Variants in TRPM3 observed in about 807,000 individuals in gnomAD.
The protein encoded by TRPM3 is long transient receptor potential channel 3.
A neutral mutation model predicts 181.2 loss-of-function variants in TRPM3; 77 were observed. The ratio of observed to expected loss-of-function variants is 0.42; its 90% CI spans 0.35 to 0.51. The LOEUF is 0.51. TRPM3 is among the 20% of genes least tolerant of loss of function. TRPM3 has a pLI of 0.01. For synonymous variants in TRPM3, 745 were observed against 796.4 expected, an observed-to-expected ratio of 0.94 and a Z score of 1.09; for missense variants, 1,759 against 2,196.7, an observed-to-expected ratio of 0.80 and a Z score of 3.98.
intron 1 of TRPM3, among the ~76,000 whole-genome samples, chr9:71,405,316 A>C (rs1243088135): frequency 3.3e-5 from 5 of 152,214 alleles, no homozygotes; most frequent in Non-Finnish European, 5.9e-5. Context: ...TTTTTAAAAA[A>C]ATCTTCCTTT....
At chr9:70,627,141 A>C (rs1161817591) in intron 12 of TRPM3, among the ~76,000 whole-genome samples, 1 of 152,124 alleles carries the variant, frequency 6.6e-6, no homozygotes, top group Non-Finnish European at 1.5e-5. Flanking sequence ...CTAGTTCACT[A>C]TGGAAATTTG....
At chr9:71,413,792 C>A (rs564209283) in intron 1 of TRPM3, among the ~76,000 whole-genome samples, 1 of 152,096 alleles carries the variant, frequency 6.6e-6, no homozygotes, top group Non-Finnish European at 1.5e-5. Flanking sequence ...AGAGACTGGG[C>A]CCTAACCTGC....
intron 22 of TRPM3, among the ~76,000 whole-genome samples, chr9:70,561,796 G>A (rs2049161775): frequency 6.6e-6 from 1 of 152,130 alleles, no homozygotes; most frequent in Non-Finnish European, 1.5e-5. Context: ...ACACAGCTTG[G>A]GAAGTCCAAG....
rs2093718272 is a variant in TRPM3, at chr9:71,420,669, A to AAGAGAAAGGGAAAGAGAAAG, written c.183+25983_183+25984insCTTTCTCTTTCCCTTTCTCT. On this transcript the variant is annotated intron_variant, in intron 1 of 24. Coordinates refer to the TRPM3 transcript ENST00000357533. ...AGAAAGAGAAAGAAAAAGAGAAAGA[A>AAGAGAAAGGGAAAGAGAAAG]AGAGAGAAAGAAAGAGAAAGGGAAA... Among the ~76,000 whole-genome samples the AAGAGAAAGGGAAAGAGAAAG allele has an allele frequency of 6.3e-5, 8 of 126,150 alleles. 1 individual carries two copies. The highest frequency in any genetic ancestry group is 1.0e-4 in the Non-Finnish European group (6 of 60,232). 82.8% of individuals were successfully genotyped at this position (126,150 alleles called of 152,430 possible).
intron 1 of TRPM3, among the ~76,000 whole-genome samples, chr9:71,351,937 G>A (rs549730091): frequency 9.4e-4 from 140 of 149,504 alleles, no homozygotes; most frequent in Non-Finnish European, 1.9e-3. Flanking sequence ...GTGCTGTGGC[G>A]TGATCTTGGC....
chr9:71,148,213 T>C (rs2075537528), intron 1 of TRPM3, among the ~76,000 whole-genome samples: 1 of 152,146 alleles, frequency 6.6e-6, no homozygotes, highest in Admixed American at 6.6e-5. Context: ...AATATTCACA[T>C]AACAAACTTT....
intron 25 of TRPM3, among the ~76,000 whole-genome samples, chr9:70,540,525 G>A (rs1326544560): frequency 6.6e-6 from 1 of 152,058 alleles, no homozygotes; most frequent in East Asian, 1.9e-4. Context: ...CAGAGCTGAT[G>A]CACCAAAAAC....
chr9:71,431,191 C>CAG (rs143109517), intron 1 of TRPM3, among the ~76,000 whole-genome samples: 6 of 151,030 alleles, frequency 4.0e-5, no homozygotes, highest in Non-Finnish European at 7.4e-5. Context: ...CACACACACA[C>CAG]AGAGAGAGAG....
chr9:70,606,693 C>T (rs1280872677), intron 19 of TRPM3, among the ~76,000 whole-genome samples: 2 of 150,922 alleles, frequency 1.3e-5, no homozygotes, highest in African/African-American at 4.9e-5. Context: ...GTTTAGCAAC[C>T]TGTATGTAGA....
chr9:71,287,979 A>G (rs552258692), intron 1 of TRPM3, among the ~76,000 whole-genome samples: 32 of 152,220 alleles, frequency 2.1e-4, no homozygotes, highest in African/African-American at 7.7e-4. Context: ...TTAAACTTCT[A>G]GAGGGCAGCA....
chr9:71,164,617 T>C (rs772376680), intron 1 of TRPM3, among the ~76,000 whole-genome samples: 13 of 151,822 alleles, frequency 8.6e-5, no homozygotes, highest in Non-Finnish European at 1.6e-4. Flanking sequence ...CAGGAGACAA[T>C]TGTCAGTGAT....
At chr9:70,841,807 A>G (rs2094686445) in intron 5 of TRPM3, among the ~76,000 whole-genome samples, 1 of 151,142 alleles carries the variant, frequency 6.6e-6, no homozygotes, top group Non-Finnish European at 1.5e-5. Context: ...ACTGGAGGCC[A>G]TTTTCCTAAG....
chr9:70,545,987 A>C (rs1197005170), intron 25 of TRPM3, among the ~76,000 whole-genome samples: 3 of 152,176 alleles, frequency 2.0e-5, no homozygotes, highest in African/African-American at 7.2e-5. Flanking sequence ...TAGAGTTCCT[A>C]TATCACCTCC....
intron 1 of TRPM3, among the ~76,000 whole-genome samples, chr9:71,208,735 T>C (rs1013334332): frequency 1.3e-5 from 2 of 152,192 alleles, no homozygotes; most frequent in African/African-American, 4.8e-5. Context: ...ATGGCCAAAA[T>C]AGCATCTCTA....
intron 1 of TRPM3, among the ~76,000 whole-genome samples, chr9:71,334,774 T>A (rs529053803): frequency 6.6e-6 from 1 of 152,188 alleles, no homozygotes; most frequent in Non-Finnish European, 1.5e-5. Flanking sequence ...TAACTTTAAC[T>A]TAATTAGCTT....
chr9:70,633,788 C>G (rs1296151914), intron 12 of TRPM3, among the ~76,000 whole-genome samples: 1 of 152,194 alleles, frequency 6.6e-6, no homozygotes, highest in Non-Finnish European at 1.5e-5. Context: ...AGAAATCATA[C>G]TGTATTTTTG....
intron 18 of TRPM3, 128 bp downstream of exon 18, chr9:70,615,780 T>G: frequency 1.0e-6 from 1 of 955,540 alleles, no homozygotes; most frequent in Admixed American, 2.6e-5. Flanking sequence ...AAGCACTCCA[T>G]GATTAAACCT....
At position 71,089,773 on chromosome 9, in the gene TRPM3, G is replaced by A. The variant is rs2065899692; in HGVS notation, c.177+31405C>T. Among the ~76,000 whole-genome samples, 5 of 152,184 alleles carry A rather than the reference G, an allele frequency of 3.3e-5. No individual in the cohort carries two copies. The South Asian group carries it at 1.0e-3, about 32-fold the overall frequency. On this transcript the variant is annotated intron_variant, in intron 1 of 25. Transcript: ENST00000677713. ...GTCTCGTGAGGAAGGCCACTCAGCG[G>A]ATGTCCTGAGCATCCTAGTGTTTGC...
At chr9:70,674,184 C>T (rs1482802057) in intron 9 of TRPM3, among the ~76,000 whole-genome samples, 1 of 151,988 alleles carries the variant, frequency 6.6e-6, no homozygotes, top group African/African-American at 2.4e-5. Context: ...CAAAGTTAGG[C>T]CATAATACAT....
Sources: gnomAD v4.1 joint callset for allele counts (sites outside exome capture counted in the v4.1 genomes callset) on GRCh38, gnomAD v4.1.1 for gene constraint, MANE v1.5 for transcripts, NCBI Gene and HGNC (gene_info 2026-07-23, HGNC 2026-07-21) for gene names.